The following GALNT13 variants were observed in gnomAD, a reference collection of about 807,000 sequenced individuals.
GALNT13 encodes UDP-GalNAc:polypeptide N-acetylgalactosaminyltransferase 13.
A neutral mutation model predicts 64.2 loss-of-function variants in GALNT13; 28 were observed. The ratio of observed to expected loss-of-function variants is 0.44; its 90% CI spans 0.32 to 0.60. GALNT13 has a LOEUF of 0.60. GALNT13 is among the 20% of genes least tolerant of loss of function. The pLI is 0.05. For missense variants in GALNT13, 577 were observed against 669.8 expected, an observed-to-expected ratio of 0.86 and a Z score of 1.53; for synonymous variants, 214 against 224.6, an observed-to-expected ratio of 0.95 and a Z score of 0.42.
chr2:153,069,064 C>T, the GALNT13 span, among the ~76,000 whole-genome samples: 16 of 152,248 alleles, frequency 1.1e-4, no homozygotes, highest in African/African-American at 2.4e-4. Flanking sequence ...AATACTTAGA[C>T]GCCTCCTTCT....
At chr2:153,822,985 A>G in the GALNT13 span, among the ~76,000 whole-genome samples, 1 of 152,200 alleles carries the variant, frequency 6.6e-6, no homozygotes, top group Non-Finnish European at 1.5e-5. Flanking sequence ...ATAATGTTCA[A>G]CCTGAGAGTC....
chr2:153,679,191 T>C, the GALNT13 span, among the ~76,000 whole-genome samples: 1 of 152,076 alleles, frequency 6.6e-6, no homozygotes, highest in Non-Finnish European at 1.5e-5. Flanking sequence ...TGTTGACTTC[T>C]AGAAAATACC....
At chr2:153,088,089 T>A in the GALNT13 span, among the ~76,000 whole-genome samples, 2 of 152,150 alleles carry the variant, frequency 1.3e-5, no homozygotes, top group African/African-American at 4.8e-5. Context: ...TCAGACTTTT[T>A]GTGTAGGCAT....
intron 4 of GALNT13, among the ~76,000 whole-genome samples, chr2:154,170,147 C>T (rs1489795599): frequency 6.6e-6 from 1 of 152,108 alleles, no homozygotes; most frequent in African/African-American, 2.4e-5. Context: ...TTTCCAGCTG[C>T]AGAAAAGAAA....
chr2:153,392,882 G>T, the GALNT13 span, among the ~76,000 whole-genome samples: 1,800 of 152,032 alleles, frequency 0.012, 25 homozygotes, highest in Non-Finnish European at 0.018. Flanking sequence ...CCCCCTAAAT[G>T]GGATTAGTGC....
intron 3 of GALNT13, among the ~76,000 whole-genome samples, chr2:154,105,036 G>A (rs1702540798): frequency 1.3e-5 from 2 of 152,166 alleles, no homozygotes; most frequent in Non-Finnish European, 2.9e-5. Context: ...GGCTGTTGCA[G>A]GGTGAAGGGG....
the GALNT13 span, among the ~76,000 whole-genome samples, chr2:153,750,554 C>T: frequency 1.4e-4 from 21 of 151,196 alleles, no homozygotes; most frequent in Admixed American, 2.6e-4. Context: ...AGTCTTTGTA[C>T]GTTGTATGTG....
chr2:153,113,949 A>G, the GALNT13 span, among the ~76,000 whole-genome samples: 1 of 152,136 alleles, frequency 6.6e-6, no homozygotes, highest in African/African-American at 2.4e-5. Flanking sequence ...CTTACTAATT[A>G]TACATCGTTT....
At chr2:153,643,687 T>A in the GALNT13 span, among the ~76,000 whole-genome samples, 1 of 151,860 alleles carries the variant, frequency 6.6e-6, no homozygotes, top group African/African-American at 2.4e-5. Context: ...CATTTAGCAA[T>A]GTAGATGAAA....
the GALNT13 span, among the ~76,000 whole-genome samples, chr2:153,330,670 C>T: frequency 6.6e-6 from 1 of 151,958 alleles, no homozygotes. Context: ...TCCCAAGAGC[C>T]TTTCAGTGGA....
chr2:153,571,551 T>C, the GALNT13 span, among the ~76,000 whole-genome samples: 2 of 152,132 alleles, frequency 1.3e-5, no homozygotes, highest in East Asian at 3.9e-4. Flanking sequence ...GGCTTTCAGG[T>C]TTTCCCCATT....
intron 4 of GALNT13, among the ~76,000 whole-genome samples, chr2:154,167,535 A>C (rs192716305): frequency 1.3e-5 from 2 of 152,334 alleles, no homozygotes; most frequent in Non-Finnish European, 2.9e-5. Context: ...TCTCCTTTGC[A>C]TGTAAAATTA....
intron 3 of GALNT13, among the ~76,000 whole-genome samples, chr2:154,107,380 G>A (rs1253398351): frequency 1.3e-5 from 2 of 151,902 alleles, no homozygotes; most frequent in South Asian, 2.1e-4. Flanking sequence ...AGATCACGAG[G>A]TCAGATTGAG....
chr2:153,905,053 TTTAAATATTC>T (rs1165839770), intron 2 of GALNT13, among the ~76,000 whole-genome samples: 1 of 151,992 alleles, frequency 6.6e-6, no homozygotes, highest in Non-Finnish European at 1.5e-5. Context: ...ATGGCTACTT[TTTAAATATTC>T]TTAATATCTA....
chr2:153,840,436 C>A, the GALNT13 span, among the ~76,000 whole-genome samples: 1 of 152,002 alleles, frequency 6.6e-6, no homozygotes, highest in Non-Finnish European at 1.5e-5. Context: ...AAAGCAATAA[C>A]CTTCTGGGCA....
the GALNT13 span, among the ~76,000 whole-genome samples, chr2:153,864,645 C>T: frequency 6.6e-6 from 1 of 151,822 alleles, no homozygotes; most frequent in Non-Finnish European, 1.5e-5. Flanking sequence ...AACCACTGCT[C>T]AAAGAAATAA....
intron 3 of GALNT13, among the ~76,000 whole-genome samples, chr2:154,113,105 T>C (rs1703079904): frequency 6.6e-6 from 1 of 152,192 alleles, no homozygotes; most frequent in African/African-American, 2.4e-5. Flanking sequence ...AAACATTCAG[T>C]TTCCACCAAA....
intron 3 of GALNT13, among the ~76,000 whole-genome samples, chr2:153,974,818 T>C (rs1340553741): frequency 1.3e-5 from 2 of 151,940 alleles, no homozygotes; most frequent in Admixed American, 6.6e-5. Context: ...TGTCACTAGG[T>C]CCTAGGAAAT....
At chr2:153,683,510 T>C in the GALNT13 span, among the ~76,000 whole-genome samples, 15 of 151,840 alleles carry the variant, frequency 9.9e-5, no homozygotes, top group Non-Finnish European at 2.2e-4. Context: ...TTTCAGTGTT[T>C]TTGAGGGGAT....
Sources: gnomAD v4.1 joint callset for allele counts (sites outside exome capture counted in the v4.1 genomes callset) on GRCh38, gnomAD v4.1.1 for gene constraint, MANE v1.5 for transcripts, NCBI Gene and HGNC (gene_info 2026-07-23, HGNC 2026-07-21) for gene names.